The following TRIM67 variants were observed in gnomAD, a reference collection of about 807,000 sequenced individuals.
TRIM67 encodes tripartite motif-containing protein 67.
A neutral mutation model predicts 71.0 loss-of-function variants in TRIM67; 39 were observed. The observed-to-expected ratio is 0.55, with a 90% CI of 0.43 to 0.72. The LOEUF is 0.72. TRIM67 is among the 30% of genes least tolerant of loss of function. The pLI, the probability that TRIM67 is intolerant of heterozygous loss-of-function variation, is 0.00. For missense variants in TRIM67, 973 were observed against 1,079.2 expected (o/e 0.90, Z 1.38); for synonymous variants, 481 against 473.9 (o/e 1.01, Z -0.19).
At chr1:231,200,572 T>G (rs1223893386) in intron 4 of TRIM67, among the ~76,000 whole-genome samples, 1 of 152,144 alleles carries the variant, frequency 6.6e-6, no homozygotes, top group Non-Finnish European at 1.5e-5. Context: ...AGAAGCAAGT[T>G]AGCAGAATCC....
rs761414327 is a variant in TRIM67, at chr1:231,219,623, C to T, written c.*4183C>T. On this transcript the variant is annotated 3_prime_UTR_variant, in exon 10 of 10. Transcript: ENST00000366653. ...TCCCCACTTCCTAGAAAGCAAAACT[C>T]GTTACCTTTGTTTTCCTTGGCCACA... 4.9e-5 allele frequency: 56 copies of T among 1,144,522 alleles called. No homozygotes were observed. Among genetic ancestry groups the T allele is most frequent in the East Asian group, 1.4e-4 (2 of 14,682 alleles). 70.9% of individuals were successfully genotyped at this position (1,144,522 alleles called of 1,614,324 possible).
At chr1:231,192,392 C>G (rs193052749) in intron 1 of TRIM67, among the ~76,000 whole-genome samples, 5 of 152,262 alleles carry the variant, frequency 3.3e-5, no homozygotes, top group Admixed American at 3.3e-4. Context: ...GTTGCCCAGG[C>G]TGGTCTCAAA....
intron 6 of TRIM67, among the ~76,000 whole-genome samples, chr1:231,206,373 G>A (rs760254448): frequency 2.0e-5 from 3 of 151,864 alleles, no homozygotes; most frequent in East Asian, 1.9e-4. Flanking sequence ...CTCGGGAGGC[G>A]GAGGTTTTGG....
rs1311516652 is a variant in TRIM67 at position 231,163,892 on chromosome 1, T to C, written c.923T>C (p.Met308Thr). ...RKFPTCPEHEMENYSMYCVSC... is the reference protein window; with the variant it reads ...RKFPTCPEHETENYSMYCVSC... ...TTCCCCACGTGTCCCGAGCATGAAA[T>C]GGAGAACTACAGCATGTACTGCGTG... Residue 308 changes from methionine to threonine, a missense_variant, in exon 1 of 10, where the codon ATG (methionine) becomes ACG (threonine). Around this residue, in one of 2 missense-constraint regions of TRIM67, gnomAD observed 795 missense variants for 831.3 expected, o/e 0.96. Transcript: ENST00000366653. The C allele has an allele frequency of 1.3e-6, 2 of 1,584,502 alleles. No homozygotes were observed. The highest frequency in any genetic ancestry group is 1.2e-5 in the South Asian group (1 of 86,408).
chr1:231,207,361 G>C (rs991052075), intron 7 of TRIM67, among the ~76,000 whole-genome samples: 2 of 152,166 alleles, frequency 1.3e-5, no homozygotes, highest in East Asian at 3.9e-4. Context: ...CACATCCAGT[G>C]ATTTATACAC....
intron 1 of TRIM67, among the ~76,000 whole-genome samples, chr1:231,179,676 C>T (rs969741670): frequency 2.6e-5 from 4 of 152,098 alleles, no homozygotes; most frequent in East Asian, 1.9e-4. Context: ...GGTGCAACAA[C>T]GAAACAAGAA....
intron 3 of TRIM67, 134 bp from the exon 4 acceptor site, chr1:231,200,014 G>A (rs910176249): frequency 6.2e-6 from 4 of 645,548 alleles, no homozygotes; most frequent in Non-Finnish European, 1.1e-5. Context: ...AGCTGAGAGA[G>A]GAGCTGGTGC....
chr1:231,216,086 A>G lies in TRIM67; in HGVS notation c.*646A>G, dbSNP rs1243350764. On this transcript the variant is annotated 3_prime_UTR_variant, in exon 10 of 10. Transcript: ENST00000366653. Reference sequence around the variant, plus strand: ...AGAACCTTTTAAAATGGCTTCCTTTATTAATCAGCCAATTGTGTTCTCTCT... The same window carrying G: ...AGAACCTTTTAAAATGGCTTCCTTTGTTAATCAGCCAATTGTGTTCTCTCT... 1.0e-6 allele frequency: 1 copy of G among 985,190 alleles called. No individual in the cohort carries two copies. Among genetic ancestry groups the G allele is most frequent in the African/African-American group, 1.7e-5 (1 of 57,176 alleles). The allele number at this position is 985,190 out of a possible 1,614,324, so 61.0% of individuals were successfully genotyped here.
At chr1:231,180,572 G>T (rs1682874219) in intron 1 of TRIM67, among the ~76,000 whole-genome samples, 1 of 152,156 alleles carries the variant, frequency 6.6e-6, no homozygotes, top group African/African-American at 2.4e-5. Flanking sequence ...TTGCATTGAA[G>T]ATGGCAGCCT....
intron 1 of TRIM67, chr1:231,186,135 A>C: frequency 6.5e-7 from 1 of 1,532,568 alleles, no homozygotes; most frequent in Non-Finnish European, 8.7e-7. Flanking sequence ...TGAATGGATG[A>C]AGGGCTTGAC....
intron 8 of TRIM67, among the ~76,000 whole-genome samples, chr1:231,210,710 A>C (rs554191220): frequency 6.6e-6 from 1 of 151,950 alleles, no homozygotes; most frequent in South Asian, 2.1e-4. Context: ...TAATCCTTGC[A>C]AAGGTACTAT....
intron 1 of TRIM67, among the ~76,000 whole-genome samples, chr1:231,181,941 C>A (rs954562229): frequency 6.6e-6 from 1 of 152,132 alleles, no homozygotes; most frequent in Admixed American, 6.5e-5. Context: ...ACTTCTGGAG[C>A]CTGTTTTAAA....
chr1:231,208,166 G>T (rs1304857293), intron 7 of TRIM67, among the ~76,000 whole-genome samples: 4 of 150,012 alleles, frequency 2.7e-5, no homozygotes, highest in African/African-American at 9.9e-5. Context: ...CCACCACCAT[G>T]TCCAGCGAAT....
chr1:231,217,280 C>A lies in TRIM67; in HGVS notation c.*1840C>A. 1.0e-6 allele frequency: 1 copy of A among 986,140 alleles called. No homozygotes were observed. Among genetic ancestry groups the A allele is most frequent in the Non-Finnish European group, 1.2e-6 (1 of 830,236 alleles). The allele number at this position is 986,140 out of a possible 1,614,324, so 61.1% of individuals were successfully genotyped here. On this transcript the variant is annotated 3_prime_UTR_variant, in exon 10 of 10. Coordinates refer to ENST00000366653, the MANE Select transcript of TRIM67 (RefSeq NM_001004342.5). ...CTCTGCTGCGGAGCCTGGGAGCTAT[C>A]TGCTTCATGGAAGTCTAGGTCTTGC...
chr1:231,165,101 C>T (rs1441451715), intron 1 of TRIM67, among the ~76,000 whole-genome samples: 1 of 152,190 alleles, frequency 6.6e-6, no homozygotes, highest in African/African-American at 2.4e-5. Flanking sequence ...CCCTCCCCAA[C>T]ATTTGGCAAT....
chr1:231,219,121 G>A lies in TRIM67; in HGVS notation c.*3681G>A, dbSNP rs1430524847. The stretch of plus-strand genomic sequence containing the variant: ...GTAGTGAGGGAGGGTCAATCCTTAG[G>A]GGGAGTCAACATGTGAATGCTAAAG... On this transcript the variant is annotated 3_prime_UTR_variant, in exon 10 of 10. Transcript: ENST00000366653. 1 of 985,312 alleles carries A rather than the reference G, an allele frequency of 1.0e-6. No homozygotes were observed. The highest frequency in any genetic ancestry group is 1.7e-5 in the African/African-American group (1 of 57,186). The allele number at this position is 985,312 out of a possible 1,614,324, so 61.0% of individuals were successfully genotyped here.
chr1:231,208,843 C>T (rs75728373), intron 7 of TRIM67, 104 bp from the exon 8 acceptor site: 40,644 of 1,206,688 alleles, frequency 0.034, 1,571 homozygotes, highest in East Asian at 0.16. Flanking sequence ...TTCTGGGTGC[C>T]GACTTTCTAA....
chr1:231,176,441 G>A (rs897224603), intron 1 of TRIM67, among the ~76,000 whole-genome samples: 2 of 152,062 alleles, frequency 1.3e-5, no homozygotes, highest in Non-Finnish European at 2.9e-5. Flanking sequence ...GATGATGCTT[G>A]AGCTGGGGTC....
intron 8 of TRIM67, 131 bp from the exon 9 acceptor site, chr1:231,213,684 T>G: frequency 2.7e-6 from 3 of 1,099,524 alleles, no homozygotes; most frequent in Non-Finnish European, 2.6e-6. Context: ...TGCACCGAGA[T>G]GGCGTCACTG....
Sources: allele counts gnomAD v4.1 joint callset (sites outside exome capture counted in the v4.1 genomes callset), GRCh38; gene constraint gnomAD v4.1.1; regional missense constraint gnomAD v4.1.1; transcripts MANE v1.5; gene names NCBI Gene and HGNC (gene_info 2026-07-23, HGNC 2026-07-21).